IMMP2L: variants seen among roughly 807,000 people sequenced by gnomAD.
The protein encoded by IMMP2L is mitochondrial inner membrane protease subunit 2.
Under a neutral mutation model 19.3 loss-of-function variants are expected in IMMP2L, and 18 were observed. The ratio of observed to expected loss-of-function variants is 0.93; its 90% confidence interval spans 0.64 to 1.38. The LOEUF (loss-of-function observed/expected upper bound fraction) is 1.38. IMMP2L is among the 40% of genes most tolerant of loss of function. The probability of loss-of-function intolerance (pLI) is 0.00; values close to 1 mark genes in which losing one functional copy is unlikely to be tolerated. For synonymous variants in IMMP2L, 76 were observed against 73.0 expected (o/e 1.04, Z -0.21); for missense variants, 233 against 218.2 (o/e 1.07, Z -0.43).
chr7:111,042,568 G>A (rs1280173336), intron 3 of IMMP2L, among the ~76,000 whole-genome samples: 1 of 152,202 alleles, frequency 6.6e-6, no homozygotes, highest in Non-Finnish European at 1.5e-5. Context: ...TCAAGCTCAA[G>A]CTAGATGCTC....
intron 5 of IMMP2L, among the ~76,000 whole-genome samples, chr7:110,848,993 G>A (rs1447275423): frequency 6.6e-6 from 1 of 152,050 alleles, no homozygotes; most frequent in Non-Finnish European, 1.5e-5. Context: ...CACAATGAGG[G>A]ATATATGTCA....
chr7:111,522,205 T>C (rs568950080), intron 1 of IMMP2L, among the ~76,000 whole-genome samples: 2 of 152,192 alleles, frequency 1.3e-5, no homozygotes, highest in South Asian at 4.1e-4. Context: ...TTGTTGTCGT[T>C]GTTGTTTTTA....
intron 5 of IMMP2L, among the ~76,000 whole-genome samples, chr7:110,801,988 T>C (rs1243794020): frequency 6.6e-6 from 1 of 152,042 alleles, no homozygotes; most frequent in Non-Finnish European, 1.5e-5. Flanking sequence ...ACAGTGAAGA[T>C]CACCAAACCT....
chr7:111,274,561 T>C (rs557835982), intron 3 of IMMP2L, among the ~76,000 whole-genome samples: 7 of 152,258 alleles, frequency 4.6e-5, no homozygotes, highest in Non-Finnish European at 8.8e-5. Context: ...GCAAGACACA[T>C]AGCAGGTTAT....
intron 3 of IMMP2L, among the ~76,000 whole-genome samples, chr7:111,355,817 G>T (rs1828641009): frequency 6.6e-6 from 1 of 151,836 alleles, no homozygotes; most frequent in Non-Finnish European, 1.5e-5. Context: ...TATTTCAAAG[G>T]TTTGTGTTTA....
At chr7:110,863,444 A>T (rs1807655871) in intron 5 of IMMP2L, among the ~76,000 whole-genome samples, 1 of 152,146 alleles carries the variant, frequency 6.6e-6, no homozygotes, top group Non-Finnish European at 1.5e-5. Flanking sequence ...ACTTACATGG[A>T]AGGTCCCTAA....
chr7:110,743,194 T>C (rs527624059), intron 5 of IMMP2L, among the ~76,000 whole-genome samples: 20 of 152,330 alleles, frequency 1.3e-4, no homozygotes, highest in African/African-American at 4.6e-4. Context: ...TGTTGGGCAG[T>C]GGAGAGCTAT....
intron 5 of IMMP2L, among the ~76,000 whole-genome samples, chr7:110,750,628 A>T (rs974228649): frequency 5.3e-5 from 8 of 152,110 alleles, no homozygotes; most frequent in African/African-American, 1.9e-4. Flanking sequence ...AATAAGAAAA[A>T]CTTACAACAA....
At chr7:110,940,674 T>C (rs1238786530) in intron 4 of IMMP2L, among the ~76,000 whole-genome samples, 1 of 152,194 alleles carries the variant, frequency 6.6e-6, no homozygotes, top group Non-Finnish European at 1.5e-5. Flanking sequence ...AACTCAGCTT[T>C]GATGTTCTGT....
At chr7:111,267,099 A>G (rs1346013646) in intron 3 of IMMP2L, among the ~76,000 whole-genome samples, 1 of 152,096 alleles carries the variant, frequency 6.6e-6, no homozygotes, top group African/African-American at 2.4e-5. Context: ...TACAAATTCA[A>G]TTCTTCCATA....
chr7:111,533,313 A>G (rs1847576521), intron 1 of IMMP2L, among the ~76,000 whole-genome samples: 1 of 152,156 alleles, frequency 6.6e-6, no homozygotes, highest in Non-Finnish European at 1.5e-5. Context: ...ATACTTGCCT[A>G]TAAATTGGAA....
At chr7:110,764,846 T>C (rs574345727) in intron 5 of IMMP2L, among the ~76,000 whole-genome samples, 1 of 152,238 alleles carries the variant, frequency 6.6e-6, no homozygotes, top group Admixed American at 6.5e-5. Flanking sequence ...TAAATGCTAC[T>C]ATTATTCTTT....
intron 5 of IMMP2L, among the ~76,000 whole-genome samples, chr7:110,774,313 A>C (rs1439503575): frequency 6.6e-6 from 1 of 152,072 alleles, no homozygotes; most frequent in Non-Finnish European, 1.5e-5. Flanking sequence ...TCAGTGCTGC[A>C]AACCGCATCA....
intron 3 of IMMP2L, among the ~76,000 whole-genome samples, chr7:110,972,490 T>TAC (rs1820245543): frequency 8.5e-5 from 13 of 152,128 alleles, no homozygotes; most frequent in Admixed American, 7.9e-4. Context: ...TACATGGAGC[T>TAC]ATAGAGAGGG....
intron 3 of IMMP2L, among the ~76,000 whole-genome samples, chr7:111,370,556 A>T (rs1382071208): frequency 6.6e-6 from 1 of 151,998 alleles, no homozygotes; most frequent in Non-Finnish European, 1.5e-5. Flanking sequence ...CATAGACGTT[A>T]AAAATAGTTA....
rs1796195738 is a variant in IMMP2L, at chr7:110,730,557, C to T, written c.409-66836G>A. On this transcript the variant is annotated intron_variant, in intron 5 of 5. Transcript: ENST00000405709. ...CTTTTTTTTTTTTTTGAGACGGAGT[C>T]TCGCTCTGTTGCCCAGGCTGGAGTG... Among the ~76,000 whole-genome samples the T allele has an allele frequency of 3.3e-5, 5 of 150,054 alleles. No homozygotes were observed. In the South Asian group the frequency reaches 8.4e-4, roughly 25 times the overall value.
chr7:111,251,545 A>G (rs568501261), intron 3 of IMMP2L, among the ~76,000 whole-genome samples: 1 of 152,218 alleles, frequency 6.6e-6, no homozygotes, highest in Non-Finnish European at 1.5e-5. Flanking sequence ...AATGTGGTAC[A>G]TGGAATACTA....
intron 3 of IMMP2L, among the ~76,000 whole-genome samples, chr7:111,302,146 C>G (rs553553321): frequency 6.6e-6 from 1 of 151,972 alleles, no homozygotes; most frequent in South Asian, 2.1e-4. Context: ...TGCCCTTGCC[C>G]CAGATTTCTA....
chr7:110,844,171 G>A (rs61271707), intron 5 of IMMP2L, among the ~76,000 whole-genome samples: 2,058 of 152,224 alleles, frequency 0.014, 65 homozygotes, highest in East Asian at 0.11. Context: ...AACATTTTTC[G>A]ACATCTATTA....
Sources: allele counts gnomAD v4.1 joint callset (sites outside exome capture counted in the v4.1 genomes callset), GRCh38; gene constraint gnomAD v4.1.1; transcripts MANE v1.5; gene names NCBI Gene and HGNC (gene_info 2026-07-23, HGNC 2026-07-21).